Variants in SPON1 observed in about 807,000 individuals in gnomAD.
SPON1 encodes the protein spondin 1.
SPON1 carries 52 observed loss-of-function variants against 111.7 expected under a neutral mutation model. The ratio of observed to expected loss-of-function variants is 0.47; its 90% CI spans 0.37 to 0.59. The LOEUF (loss-of-function observed/expected upper bound fraction) is 0.59. Ranked by LOEUF, SPON1 falls within the 20% of genes least tolerant of loss-of-function variation. The pLI, the probability that SPON1 is intolerant of heterozygous loss-of-function variation, is 0.00. For missense variants in SPON1, 957 were observed against 1,068.5 expected (o/e 0.90, Z 1.46); for synonymous variants, 410 against 395.8 (o/e 1.04, Z -0.43).
chr11:14,088,496 A>G (rs1192863287), intron 5 of SPON1, among the ~76,000 whole-genome samples: 1 of 152,048 alleles, frequency 6.6e-6, no homozygotes, highest in African/African-American at 2.4e-5. Context: ...CTGCAGAGAG[A>G]TCTGCTGTTA....
At chr11:14,061,293 A>T (rs1457409882) in intron 3 of SPON1, among the ~76,000 whole-genome samples, 1 of 152,244 alleles carries the variant, frequency 6.6e-6, no homozygotes, top group East Asian at 1.9e-4. Context: ...TAAGAATTAG[A>T]ATGTAGAAGG....
At chr11:14,041,853 T>C (rs1241836743) in intron 3 of SPON1, among the ~76,000 whole-genome samples, 199 bp downstream of exon 3, 1 of 152,214 alleles carries the variant, frequency 6.6e-6, no homozygotes, top group Non-Finnish European at 1.5e-5. Flanking sequence ...ATCTCTATTT[T>C]CATCAAATAG....
At chr11:14,257,110 T>C (rs561982742) in intron 10 of SPON1, among the ~76,000 whole-genome samples, 10 of 152,322 alleles carry the variant, frequency 6.6e-5, no homozygotes, top group Admixed American at 5.2e-4. Flanking sequence ...AGTTTTCTTA[T>C]GGGATCTGGA....
At chr11:13,984,870 A>G (rs1554910126) in intron 2 of SPON1, among the ~76,000 whole-genome samples, 2 of 152,222 alleles carry the variant, frequency 1.3e-5, no homozygotes, top group Non-Finnish European at 1.5e-5. Context: ...TCTTTCTGCT[A>G]GTGTCCAGAC....
Position 14,092,095 on chromosome 11 carries a change from G to A in SPON1, c.676+12074G>A, listed in dbSNP as rs995780932. Among the ~76,000 whole-genome samples, 33 of 152,214 alleles carry A rather than the reference G, an allele frequency of 2.2e-4. 1 individual carries two copies. The highest frequency in any genetic ancestry group is 2.0e-3 in the Admixed American group (30 of 15,284). On this transcript the variant is annotated intron_variant, in intron 5 of 15. Transcript: ENST00000576479. ...ACCCGCCTTCTGCATTGGTCTTGCT[G>A]TGAGCTGCAGACCAGAGCTGTTCCT...
chr11:14,018,791 C>T (rs1002033497), intron 2 of SPON1, among the ~76,000 whole-genome samples: 9 of 152,114 alleles, frequency 5.9e-5, no homozygotes, highest in Admixed American at 2.6e-4. Flanking sequence ...AAGGCTCCAA[C>T]GGTACAACAA....
At chr11:13,974,393 G>A (rs1444768240) in intron 1 of SPON1, among the ~76,000 whole-genome samples, 1 of 152,184 alleles carries the variant, frequency 6.6e-6, no homozygotes, top group Non-Finnish European at 1.5e-5. Flanking sequence ...TAATAATTCT[G>A]AAACCCAAGA....
intron 6 of SPON1, among the ~76,000 whole-genome samples, chr11:14,148,827 G>A (rs1847754956): frequency 1.3e-5 from 2 of 152,168 alleles, no homozygotes; most frequent in Admixed American, 1.3e-4. Context: ...AGACAGTTTA[G>A]AGCTGGACTT....
chr11:14,216,353 T>G (rs1008233781), intron 6 of SPON1, among the ~76,000 whole-genome samples: 2 of 152,146 alleles, frequency 1.3e-5, no homozygotes, highest in Non-Finnish European at 2.9e-5. Context: ...TATTGGGCTA[T>G]TCACAAAACA....
intron 2 of SPON1, among the ~76,000 whole-genome samples, chr11:14,031,377 T>C (rs1193039126): frequency 6.6e-6 from 1 of 152,166 alleles, no homozygotes; most frequent in East Asian, 1.9e-4. Context: ...AAGATGGGGG[T>C]ATTTGTAGGG....
chr11:14,211,055 C>A lies in SPON1; in HGVS notation c.826-32277C>A, dbSNP rs146026264. On this transcript the variant is annotated intron_variant, in intron 6 of 15. Transcript: ENST00000576479. ...GTAGTGTGATGCCTCTGGCTTTGTT[C>A]TTTTTCCTTAGGATTGTCTTGGCTA... 8.0e-3 allele frequency among the ~76,000 whole-genome samples: 1,211 copies of A among 152,164 alleles called. 14 individuals carry two copies. The highest frequency in any genetic ancestry group is 0.027 in the African/African-American group (1,136 of 41,530).
At chr11:14,016,842 G>A (rs1260053686) in intron 2 of SPON1, among the ~76,000 whole-genome samples, 4 of 152,226 alleles carry the variant, frequency 2.6e-5, no homozygotes, top group East Asian at 3.9e-4. Context: ...TTCAGGCAAC[G>A]CTTCCTGATC....
chr11:14,069,288 A>G (rs1021104122), intron 3 of SPON1, among the ~76,000 whole-genome samples: 3 of 152,182 alleles, frequency 2.0e-5, no homozygotes, highest in South Asian at 2.1e-4. Flanking sequence ...TGTGAAGCAC[A>G]TAGGAAGGTG....
intron 2 of SPON1, among the ~76,000 whole-genome samples, chr11:14,023,153 T>TG (rs1275931304): frequency 6.6e-6 from 1 of 151,988 alleles, no homozygotes; most frequent in African/African-American, 2.4e-5. Context: ...CCAGATTAGG[T>TG]GGGGAATTGC....
At chr11:14,039,439 T>C (rs553926645) in intron 2 of SPON1, among the ~76,000 whole-genome samples, 6 of 152,300 alleles carry the variant, frequency 3.9e-5, no homozygotes, top group African/African-American at 9.6e-5. Context: ...TATGTGTGTG[T>C]AGGGGTGAAG....
At chr11:13,980,359 A>G (rs1448368102) in intron 1 of SPON1, among the ~76,000 whole-genome samples, 2 of 151,932 alleles carry the variant, frequency 1.3e-5, no homozygotes, top group Non-Finnish European at 2.9e-5. Flanking sequence ...CTTTTTTTCT[A>G]TCTGATCTTT....
intron 3 of SPON1, 113 bp downstream of exon 3, chr11:14,041,767 C>T (rs1466846593): frequency 2.3e-5 from 28 of 1,204,220 alleles, no homozygotes; most frequent in Non-Finnish European, 3.1e-5. Flanking sequence ...CATCTCTCTG[C>T]CCTCCCTTAT....
At chr11:14,126,814 CT>C (rs1394185163) in intron 5 of SPON1, among the ~76,000 whole-genome samples, 2 of 152,026 alleles carry the variant, frequency 1.3e-5, no homozygotes, top group African/African-American at 4.8e-5. Flanking sequence ...ATACCTGAGT[CT>C]TTTCTCTCTC....
In SPON1 at chr11:14,255,825, C is replaced by G. The variant is rs782176398; in HGVS notation, c.1233+38C>G. 2.5e-6 allele frequency: 4 copies of G among 1,604,004 alleles called. No individual in the cohort carries two copies. In the Admixed American group the frequency reaches 6.7e-5, roughly 27 times the overall value. On this transcript the variant is annotated intron_variant, in intron 9 of 15. Coordinates refer to ENST00000576479, the MANE Select transcript of SPON1 (RefSeq NM_006108.4). ...AACCCACTCTGGCATCGACCTTTCC[C>G]GGTAGGAGTGCCAGGGAGATTGTAC...
Sources: allele counts gnomAD v4.1 joint callset (sites outside exome capture counted in the v4.1 genomes callset), GRCh38; gene constraint gnomAD v4.1.1; transcripts MANE v1.5; gene names NCBI Gene and HGNC (gene_info 2026-07-23, HGNC 2026-07-21).